CTNNA2: variants seen among roughly 807,000 people sequenced by gnomAD.
CTNNA2 encodes catenin alpha 2.
CTNNA2 carries 42 observed loss-of-function variants against 101.0 expected under a neutral mutation model. That is an observed-to-expected ratio of 0.42 (90% CI 0.32 to 0.54). CTNNA2 has a LOEUF of 0.54. Ranked by LOEUF, CTNNA2 falls within the 20% of genes least tolerant of loss-of-function variation. The probability of loss-of-function intolerance (pLI) is 0.14; values close to 1 mark genes in which losing one functional copy is unlikely to be tolerated. For synonymous variants in CTNNA2, 450 were observed against 456.4 expected, an observed-to-expected ratio of 0.99 and a Z score of 0.18; for missense variants, 871 against 1,223.1, an observed-to-expected ratio of 0.71 and a Z score of 4.29.
intron 3 of CTNNA2, among the ~76,000 whole-genome samples, chr2:79,327,048 C>T (rs542197122): frequency 2.0e-5 from 3 of 152,114 alleles, no homozygotes; most frequent in Non-Finnish European, 4.4e-5. Flanking sequence ...TGATAAAATG[C>T]CTGTAATAAC....
At chr2:79,507,290 G>T (rs1383890093) in intron 5 of CTNNA2, among the ~76,000 whole-genome samples, 2 of 152,194 alleles carry the variant, frequency 1.3e-5, no homozygotes, top group Admixed American at 1.3e-4. Flanking sequence ...TAATGTTCAT[G>T]TGTTGCAAAC....
chr2:79,213,054 A>C (rs1366982034), intron 2 of CTNNA2, among the ~76,000 whole-genome samples: 2 of 152,166 alleles, frequency 1.3e-5, no homozygotes, highest in African/African-American at 4.8e-5. Context: ...GGAAGGAGAT[A>C]TTTCCCTTGG....
chr2:79,304,770 A>G (rs1676193767), intron 2 of CTNNA2, among the ~76,000 whole-genome samples: 2 of 152,206 alleles, frequency 1.3e-5, no homozygotes, highest in Non-Finnish European at 1.5e-5. Context: ...AGAGATAGAC[A>G]TTGTCAGAGT....
chr2:80,085,762 C>T (rs1362229763), intron 7 of CTNNA2, among the ~76,000 whole-genome samples: 1 of 151,906 alleles, frequency 6.6e-6, no homozygotes, highest in African/African-American at 2.4e-5. Context: ...TTAATGACCA[C>T]TTTTAAGGTT....
chr2:79,951,388 C>T (rs1836208), intron 7 of CTNNA2, among the ~76,000 whole-genome samples: 73,845 of 151,964 alleles, frequency 0.49, 18,391 homozygotes, highest in East Asian at 0.61. Flanking sequence ...TACACATTGC[C>T]AGGAGTGGTG....
intron 7 of CTNNA2, among the ~76,000 whole-genome samples, chr2:79,963,053 A>G (rs1016940896): frequency 3.8e-4 from 53 of 139,944 alleles, no homozygotes; most frequent in Non-Finnish European, 6.7e-4. Context: ...CCTGGGCGAC[A>G]GAGCCAGACT....
chr2:79,740,699 G>GTT (rs1671230175), intron 2 of CTNNA2, among the ~76,000 whole-genome samples: 1 of 152,138 alleles, frequency 6.6e-6, no homozygotes, highest in African/African-American at 2.4e-5. Context: ...TTATTTTGTC[G>GTT]TTTAGCAGCC....
At chr2:80,566,338 C>T (rs1374326069) in intron 12 of CTNNA2, among the ~76,000 whole-genome samples, 1 of 152,070 alleles carries the variant, frequency 6.6e-6, no homozygotes, top group East Asian at 1.9e-4. Context: ...ATTACTAGTT[C>T]CAGCTCACAT....
intron 7 of CTNNA2, among the ~76,000 whole-genome samples, chr2:79,950,950 G>A (rs1053993648): frequency 2.6e-5 from 4 of 152,124 alleles, no homozygotes; most frequent in Non-Finnish European, 4.4e-5. Flanking sequence ...AAACATGCTT[G>A]GGTTTAAGGA....
At chr2:80,044,681 C>G (rs981248002) in intron 7 of CTNNA2, among the ~76,000 whole-genome samples, 2 of 152,098 alleles carry the variant, frequency 1.3e-5, no homozygotes, top group Non-Finnish European at 1.5e-5. Context: ...GAACTTACAG[C>G]ACTGGATAAG....
intron 3 of CTNNA2, among the ~76,000 whole-genome samples, chr2:79,338,453 T>C (rs1445780150): frequency 6.6e-6 from 1 of 151,822 alleles, no homozygotes; most frequent in Non-Finnish European, 1.5e-5. Context: ...AAGAGAACTA[T>C]GTGAAACAAG....
chr2:80,174,420 G>A (rs1269377390), intron 7 of CTNNA2, among the ~76,000 whole-genome samples: 10 of 152,124 alleles, frequency 6.6e-5, no homozygotes, highest in African/African-American at 1.7e-4. Context: ...TATCTAAGAC[G>A]TCATCCTCTG....
chr2:80,413,186 G>A (rs562204784), intron 8 of CTNNA2, among the ~76,000 whole-genome samples: 5 of 152,164 alleles, frequency 3.3e-5, no homozygotes, highest in Non-Finnish European at 7.3e-5. Context: ...TCCATTATAA[G>A]TGTTGCTAAT....
At chr2:80,305,229 C>T (rs1676811675) in intron 7 of CTNNA2, 1 of 985,062 alleles carries the variant, frequency 1.0e-6, no homozygotes, top group African/African-American at 1.7e-5. Context: ...TCAGCCAGCC[C>T]TTTTTTGAGG....
intron 2 of CTNNA2, among the ~76,000 whole-genome samples, chr2:79,678,145 G>A (rs927520119): frequency 2.6e-5 from 4 of 152,194 alleles, no homozygotes; most frequent in Non-Finnish European, 4.4e-5. Context: ...ACTACTTCGT[G>A]CTTTCCCGTA....
At chr2:79,953,079 C>T (rs1688995726) in intron 7 of CTNNA2, among the ~76,000 whole-genome samples, 1 of 152,104 alleles carries the variant, frequency 6.6e-6, no homozygotes, top group Admixed American at 6.5e-5. Context: ...TTAATTCAAG[C>T]ACAGCGATTG....
intron 7 of CTNNA2, among the ~76,000 whole-genome samples, chr2:80,009,752 CAGAG>C (rs143788691): frequency 1.2e-3 from 172 of 143,118 alleles, no homozygotes; most frequent in Admixed American, 3.1e-3. Flanking sequence ...GTGTGTGTGT[CAGAG>C]AGAGAGACAG....
At chr2:80,419,339 G>A in intron 8 of CTNNA2, 110 bp from the exon 9 acceptor site, 1 of 808,292 alleles carries the variant, frequency 1.2e-6, no homozygotes, top group Non-Finnish European at 1.9e-6. Flanking sequence ...AAAGAAAATA[G>A]GAATATTATC....
chr2:80,271,450 C>G (rs148014871), intron 7 of CTNNA2, among the ~76,000 whole-genome samples: 1,504 of 147,608 alleles, frequency 0.01, 16 homozygotes, highest in Non-Finnish European at 0.017. Flanking sequence ...GAGATGGAGT[C>G]TCGCTCTTTA....
Sources: allele counts gnomAD v4.1 joint callset (sites outside exome capture counted in the v4.1 genomes callset), GRCh38; gene constraint gnomAD v4.1.1; transcripts MANE v1.5; gene names NCBI Gene and HGNC (gene_info 2026-07-23, HGNC 2026-07-21).